Variants in COG5 observed in about 807,000 individuals in gnomAD.
COG5 encodes the protein conserved oligomeric Golgi complex subunit 5.
Under a neutral mutation model 110.4 loss-of-function variants are expected in COG5, and 86 were observed. That is an observed-to-expected ratio of 0.78 (90% CI 0.65 to 0.93). The LOEUF (loss-of-function observed/expected upper bound fraction) is 0.93, where lower values mean the gene tolerates loss of function less well. Among genes scored for constraint, COG5 ranks in the 40% least tolerant of loss-of-function variants. COG5 has a pLI of 0.00. For missense variants in COG5, 1,077 were observed against 987.0 expected (o/e 1.09, Z -1.22); for synonymous variants, 360 against 334.6 (o/e 1.08, Z -0.83).
intron 19 of COG5, among the ~76,000 whole-genome samples, chr7:107,220,704 G>A (rs1364749144): frequency 6.6e-6 from 1 of 152,040 alleles, no homozygotes. Flanking sequence ...CAGGGAAAAA[G>A]TGTAATAAGA....
chr7:107,355,096 G>A (rs1412220995), intron 10 of COG5, among the ~76,000 whole-genome samples: 2 of 152,170 alleles, frequency 1.3e-5, no homozygotes, highest in African/African-American at 2.4e-5. Context: ...AATAATGAGC[G>A]TAGCAGGACA....
chr7:107,416,790 C>T (rs868629749), intron 6 of COG5, among the ~76,000 whole-genome samples: 3 of 151,992 alleles, frequency 2.0e-5, no homozygotes, highest in Non-Finnish European at 4.4e-5. Context: ...GCAGATGGGA[C>T]GTTATAGGAA....
chr7:107,358,142 G>T (rs1263966341), intron 10 of COG5, among the ~76,000 whole-genome samples: 1 of 152,110 alleles, frequency 6.6e-6, no homozygotes, highest in Non-Finnish European at 1.5e-5. Flanking sequence ...ATTTTCCTTA[G>T]ATTCTCCTGA....
At chr7:107,475,879 C>A (rs1796946945) in intron 6 of COG5, among the ~76,000 whole-genome samples, 1 of 151,192 alleles carries the variant, frequency 6.6e-6, no homozygotes, top group Admixed American at 6.6e-5. Context: ...TGATGCATCA[C>A]AAATAATTAA....
At chr7:107,412,745 G>T (rs988986016) in intron 6 of COG5, 113 bp from the exon 7 acceptor site, 1 of 678,540 alleles carries the variant, frequency 1.5e-6, no homozygotes, top group Non-Finnish European at 2.4e-6. Context: ...TATTAAACAG[G>T]GTTGCCATTC....
chr7:107,491,911 G>A (rs1563064376), intron 6 of COG5, among the ~76,000 whole-genome samples: 1 of 152,056 alleles, frequency 6.6e-6, no homozygotes, highest in Non-Finnish European at 1.5e-5. Context: ...TATCCCATAA[G>A]TATCCCAAAG....
At chr7:107,281,444 A>G in intron 13 of COG5, 45 bp from the exon 14 acceptor site, 1 of 1,346,860 alleles carries the variant, frequency 7.4e-7, no homozygotes, top group Non-Finnish European at 1.1e-6. Flanking sequence ...AACATCATTC[A>G]TCAACAAAGT....
chr7:107,428,537 C>G (rs534126814), intron 6 of COG5, among the ~76,000 whole-genome samples: 1 of 152,286 alleles, frequency 6.6e-6, no homozygotes, highest in South Asian at 2.1e-4. Flanking sequence ...GATTCCTCCC[C>G]TAGAGCCTTC....
intron 6 of COG5, among the ~76,000 whole-genome samples, chr7:107,456,536 A>C (rs1187555595): frequency 6.6e-6 from 1 of 152,208 alleles, no homozygotes; most frequent in Non-Finnish European, 1.5e-5. Flanking sequence ...CTCAGTAAAC[A>C]CAACGAACTC....
At chr7:107,288,256 C>G (rs1328267013) in intron 12 of COG5, among the ~76,000 whole-genome samples, 1 of 152,070 alleles carries the variant, frequency 6.6e-6, no homozygotes, top group African/African-American at 2.4e-5. Context: ...CCCAGCTACT[C>G]AAAGGCTGAG....
intron 19 of COG5, among the ~76,000 whole-genome samples, chr7:107,227,581 G>C (rs180707655): frequency 6.6e-6 from 1 of 152,212 alleles, no homozygotes; most frequent in East Asian, 1.9e-4. Context: ...GCTTAAAATA[G>C]ATGTCTTAAG....
chr7:107,334,214 C>T (rs1195224109), intron 10 of COG5, among the ~76,000 whole-genome samples: 1 of 152,028 alleles, frequency 6.6e-6, no homozygotes, highest in Non-Finnish European at 1.5e-5. Flanking sequence ...GAATACTATT[C>T]AGCCATAAAA....
intron 6 of COG5, among the ~76,000 whole-genome samples, chr7:107,522,579 G>A (rs750618444): frequency 1.3e-5 from 2 of 150,912 alleles, no homozygotes; most frequent in South Asian, 2.1e-4. Context: ...CATGTATCCC[G>A]GAACTTAAAG....
chr7:107,424,077 G>A (rs573448169), intron 6 of COG5, among the ~76,000 whole-genome samples: 3 of 151,950 alleles, frequency 2.0e-5, no homozygotes, highest in South Asian at 4.2e-4. Flanking sequence ...GTTTGAGACC[G>A]GCCTGGGCAA....
intron 6 of COG5, among the ~76,000 whole-genome samples, chr7:107,465,308 T>C (rs951541862): frequency 1.3e-5 from 2 of 152,180 alleles, no homozygotes; most frequent in Non-Finnish European, 2.9e-5. Context: ...TAATTACATA[T>C]ACTAACAATA....
At chr7:107,438,792 CAGAG>C (rs1028421479) in intron 6 of COG5, among the ~76,000 whole-genome samples, 1 of 152,138 alleles carries the variant, frequency 6.6e-6, no homozygotes, top group Admixed American at 6.5e-5. Context: ...TAATTTAGAT[CAGAG>C]AGAAACAGGC....
intron 6 of COG5, among the ~76,000 whole-genome samples, chr7:107,468,453 G>C (rs1037445364): frequency 6.6e-6 from 1 of 152,004 alleles, no homozygotes; most frequent in Non-Finnish European, 1.5e-5. Flanking sequence ...TTCGGTGTGT[G>C]TAAGTTTTCT....
intron 7 of COG5, among the ~76,000 whole-genome samples, chr7:107,396,871 T>C (rs1791055374): frequency 1.3e-5 from 2 of 152,122 alleles, no homozygotes; most frequent in African/African-American, 4.8e-5. Context: ...ATGAATTTTA[T>C]AGGAAAATGG....
At chr7:107,405,683 C>T (rs187517200) in intron 7 of COG5, among the ~76,000 whole-genome samples, 64 of 152,334 alleles carry the variant, frequency 4.2e-4, no homozygotes, top group Non-Finnish European at 7.8e-4. Context: ...GAAAATTACA[C>T]AGCAAGCTGC....
Sources: allele counts gnomAD v4.1 joint callset (sites outside exome capture counted in the v4.1 genomes callset), GRCh38; gene constraint gnomAD v4.1.1; transcripts MANE v1.5; gene names NCBI Gene and HGNC (gene_info 2026-07-23, HGNC 2026-07-21).